RAD18: variants seen among roughly 807,000 people sequenced by gnomAD.
RAD18 encodes the protein RAD18 E3 ubiquitin protein ligase.
A neutral mutation model predicts 60.4 loss-of-function variants in RAD18; 47 were observed. The ratio of observed to expected loss-of-function variants is 0.78; its 90% CI spans 0.62 to 0.99. The LOEUF is 0.99. RAD18 is among the 50% of genes least tolerant of loss of function. The pLI, the probability that RAD18 is intolerant of heterozygous loss-of-function variation, is 0.00. For synonymous variants in RAD18, 225 were observed against 195.5 expected (o/e 1.15, Z -1.26); for missense variants, 640 against 593.3 (o/e 1.08, Z -0.82).
Position 8,881,305 on chromosome 3 carries a change from C to G in RAD18, c.*52G>C. 1 of 1,425,956 alleles carries G rather than the reference C, an allele frequency of 7.0e-7. No individual in the cohort carries two copies. The highest frequency in any genetic ancestry group is 9.8e-7 in the Non-Finnish European group (1 of 1,025,442). 88.3% of individuals were successfully genotyped at this position (1,425,956 alleles called of 1,614,324 possible). Reference sequence around the variant, plus strand: ...AAATAGAAAATCTATCTGTGGCAACCAAAAGTACGGTATTCTAATCAATGC... The same window carrying G: ...AAATAGAAAATCTATCTGTGGCAACGAAAAGTACGGTATTCTAATCAATGC... On this transcript the variant is annotated 3_prime_UTR_variant, in exon 13 of 13. Transcript: ENST00000264926.
intron 10 of RAD18, among the ~76,000 whole-genome samples, chr3:8,900,054 A>T (rs1303960705): frequency 6.6e-6 from 1 of 152,224 alleles, no homozygotes; most frequent in East Asian, 1.9e-4. Flanking sequence ...AACCTTGCCA[A>T]GTTCATACAG....
At chr3:8,941,912 C>T in intron 4 of RAD18, 108 bp from the exon 5 acceptor site, 1 of 1,036,922 alleles carries the variant, frequency 9.6e-7, no homozygotes, top group South Asian at 1.7e-5. Context: ...AAATACAGGA[C>T]CTATACTATA....
chr3:8,908,094 T>C (rs1357154130), intron 9 of RAD18, among the ~76,000 whole-genome samples: 1 of 152,156 alleles, frequency 6.6e-6, no homozygotes, highest in African/African-American at 2.4e-5. Flanking sequence ...TCCGTCTCTT[T>C]TCCAAGACCC....
At chr3:8,936,343 A>G (rs533387975) in intron 6 of RAD18, among the ~76,000 whole-genome samples, 1 of 152,306 alleles carries the variant, frequency 6.6e-6, no homozygotes, top group South Asian at 2.1e-4. Context: ...TAGAAGACAT[A>G]TATGTAACGC....
In RAD18 at chr3:8,955,808, C is replaced by T. The variant is rs192013109; in HGVS notation, c.133+3112G>A. On this transcript the variant is annotated intron_variant, in intron 2 of 12. Transcript: ENST00000264926. ...TCCACAGAAAAGGCTTACGAAGCCC[C>T]TAGAATCTGCAGTCAAGCTGACTAG... Among the ~76,000 whole-genome samples the T allele has an allele frequency of 5.9e-5, 9 of 152,258 alleles. No homozygotes were observed. The East Asian group carries it at 1.7e-3, about 29-fold the overall frequency.
At chr3:8,924,561 C>T (rs1575549071) in intron 7 of RAD18, among the ~76,000 whole-genome samples, 1 of 139,828 alleles carries the variant, frequency 7.2e-6, no homozygotes, top group African/African-American at 2.6e-5. Context: ...ACCAAGCAGA[C>T]CTAATAGACA....
chr3:8,895,051 G>T (rs944276270), intron 11 of RAD18, among the ~76,000 whole-genome samples: 1 of 151,818 alleles, frequency 6.6e-6, no homozygotes, highest in Non-Finnish European at 1.5e-5. Flanking sequence ...CACTGTGTCC[G>T]GCCGAAGCTC....
Position 8,913,631 on chromosome 3 carries a change from C to T in RAD18, c.966+13G>A, listed in dbSNP as rs2125055369. ...CATTTCTATCCATATACTGAAATAG[C>T]CCATTAACATACACTTTCATTGAGT... On this transcript the variant is annotated intron_variant, in intron 8 of 12. Coordinates refer to ENST00000264926, the MANE Select transcript of RAD18 (RefSeq NM_020165.4). 1 of 1,498,194 alleles carries T rather than the reference C, an allele frequency of 6.7e-7. No homozygotes were observed. The highest frequency in any genetic ancestry group is 9.0e-7 in the Non-Finnish European group (1 of 1,109,878). The allele number at this position is 1,498,194 out of a possible 1,614,324, so 92.8% of individuals were successfully genotyped here.
intron 9 of RAD18, among the ~76,000 whole-genome samples, chr3:8,911,803 A>T (rs1384984630): frequency 6.6e-6 from 1 of 152,248 alleles, no homozygotes; most frequent in East Asian, 1.9e-4. Context: ...CACAAAGAGT[A>T]ACAGCTATCT....
intron 7 of RAD18, among the ~76,000 whole-genome samples, chr3:8,922,417 G>A (rs948914635): frequency 2.0e-4 from 31 of 152,172 alleles, no homozygotes; most frequent in African/African-American, 2.9e-4. Flanking sequence ...CTGGAGGCTG[G>A]GAAGCTCAAA....
rs201674792 is a variant in RAD18 at position 8,936,500 on chromosome 3, C to T, written c.705-445G>A. Among the ~76,000 whole-genome samples, 10 of 152,322 alleles carry T rather than the reference C, an allele frequency of 6.6e-5. No individual in the cohort carries two copies. In the East Asian group the frequency reaches 1.3e-3, roughly 21 times the overall value. ...CCAATGACTTAAGCAATTCCATAAACAGGAACTTCTTAGTGAGTTTTAATT... is the reference window on the plus strand; with the variant it reads ...CCAATGACTTAAGCAATTCCATAAATAGGAACTTCTTAGTGAGTTTTAATT... On this transcript the variant is annotated intron_variant, in intron 6 of 12. Coordinates refer to ENST00000264926, the MANE Select transcript of RAD18 (RefSeq NM_020165.4).
chr3:8,931,291 A>G (rs1475672110), intron 7 of RAD18, among the ~76,000 whole-genome samples: 1 of 152,238 alleles, frequency 6.6e-6, no homozygotes, highest in Admixed American at 6.5e-5. Context: ...ATATTTAAGG[A>G]TACATTTAAC....
chr3:8,911,374 T>C (rs1256371021), intron 9 of RAD18, among the ~76,000 whole-genome samples: 1 of 152,226 alleles, frequency 6.6e-6, no homozygotes, highest in African/African-American at 2.4e-5. Context: ...GTGATCCTTA[T>C]TTTTCCAGGC....
At chr3:8,928,730 T>C (rs1055170874) in intron 7 of RAD18, among the ~76,000 whole-genome samples, 2 of 152,202 alleles carry the variant, frequency 1.3e-5, no homozygotes, top group African/African-American at 2.4e-5. Context: ...TCAGCAAGGA[T>C]GCTGAAGACT....
chr3:8,952,363 T>G (rs1466513888), intron 2 of RAD18, among the ~76,000 whole-genome samples: 1 of 152,154 alleles, frequency 6.6e-6, no homozygotes, highest in Non-Finnish European at 1.5e-5. Flanking sequence ...CTTTATACTA[T>G]AAGAAGTCTC....
intron 2 of RAD18, among the ~76,000 whole-genome samples, chr3:8,951,092 T>C (rs1940919162): frequency 1.3e-5 from 2 of 152,088 alleles, no homozygotes; most frequent in African/African-American, 4.8e-5. Flanking sequence ...GCAGAAGAAA[T>C]AATAATGGCT....
chr3:8,911,942 G>C (rs2125054743), intron 9 of RAD18, among the ~76,000 whole-genome samples: 1 of 152,304 alleles, frequency 6.6e-6, no homozygotes, highest in East Asian at 1.9e-4. Flanking sequence ...AAATTTGCAA[G>C]CTATAGAAGC....
At chr3:8,953,337 G>A (rs1940957342) in intron 2 of RAD18, among the ~76,000 whole-genome samples, 1 of 151,496 alleles carries the variant, frequency 6.6e-6, no homozygotes, top group African/African-American at 2.4e-5. Context: ...TTATAATAAG[G>A]CTACTGCTTT....
chr3:8,909,293 A>C (rs1462002501), intron 9 of RAD18, among the ~76,000 whole-genome samples: 1 of 152,244 alleles, frequency 6.6e-6, no homozygotes, highest in African/African-American at 2.4e-5. Flanking sequence ...TCGAAAGCCC[A>C]CTGAAGAGTT....
Sources: gnomAD v4.1 joint callset for allele counts (sites outside exome capture counted in the v4.1 genomes callset) on GRCh38, gnomAD v4.1.1 for gene constraint, MANE v1.5 for transcripts, NCBI Gene and HGNC (gene_info 2026-07-23, HGNC 2026-07-21) for gene names.